The following TAFA2 variants were observed in gnomAD, a reference collection of about 807,000 sequenced individuals.
TAFA2 encodes the protein TAFA chemokine like family member 2.
A neutral mutation model predicts 18.8 loss-of-function variants in TAFA2; 7 were observed. The ratio of observed to expected loss-of-function variants is 0.37; its 90% confidence interval spans 0.21 to 0.70. The LOEUF (loss-of-function observed/expected upper bound fraction) is 0.70, where lower values mean the gene tolerates loss of function less well. Among genes scored for constraint, TAFA2 ranks in the 30% least tolerant of loss-of-function variants. The pLI, the probability that TAFA2 is intolerant of heterozygous loss-of-function variation, is 0.53. For synonymous variants in TAFA2, 60 were observed against 54.2 expected (o/e 1.11, Z -0.47); for missense variants, 122 against 158.1 (o/e 0.77, Z 1.23).
intron 1 of TAFA2, among the ~76,000 whole-genome samples, chr12:62,144,358 C>G (rs898573801): frequency 6.6e-6 from 1 of 152,122 alleles, no homozygotes. Flanking sequence ...GCAGTCATGA[C>G]TGGATATCGT....
At chr12:62,030,912 C>T (rs1881440591) in intron 1 of TAFA2, among the ~76,000 whole-genome samples, 1 of 152,098 alleles carries the variant, frequency 6.6e-6, no homozygotes, top group Admixed American at 6.5e-5. Flanking sequence ...CCTCTTCACC[C>T]TTAATGATGC....
intron 1 of TAFA2, among the ~76,000 whole-genome samples, chr12:62,138,189 C>T (rs1181592212): frequency 1.3e-5 from 2 of 152,056 alleles, no homozygotes; most frequent in Non-Finnish European, 2.9e-5. Context: ...AAGGATGAGG[C>T]AAGAGGATGG....
intron 1 of TAFA2, among the ~76,000 whole-genome samples, chr12:62,167,341 A>G (rs1039334475): frequency 1.3e-5 from 2 of 152,202 alleles, no homozygotes; most frequent in Non-Finnish European, 1.5e-5. Context: ...AAGCAACATG[A>G]ACCAATGAAT....
chr12:61,711,400 A>G (rs1398185530), intron 4 of TAFA2, among the ~76,000 whole-genome samples: 2 of 152,024 alleles, frequency 1.3e-5, no homozygotes, highest in Non-Finnish European at 2.9e-5. Flanking sequence ...CTATTCTAAT[A>G]TCAGGCAGGG....
intron 2 of TAFA2, among the ~76,000 whole-genome samples, chr12:61,773,673 C>A (rs1870129875): frequency 6.6e-6 from 1 of 151,916 alleles, no homozygotes; most frequent in Admixed American, 6.6e-5. Flanking sequence ...GAAACTGGAT[C>A]CTCATCTCTC....
At chr12:61,806,046 G>A (rs1360067654) in intron 2 of TAFA2, among the ~76,000 whole-genome samples, 2 of 152,080 alleles carry the variant, frequency 1.3e-5, no homozygotes, top group Non-Finnish European at 2.9e-5. Flanking sequence ...GGATGGAGAG[G>A]GTAAAGAACA....
At chr12:61,775,402 T>C (rs1023678167) in intron 2 of TAFA2, among the ~76,000 whole-genome samples, 1 of 151,784 alleles carries the variant, frequency 6.6e-6, no homozygotes, top group African/African-American at 2.4e-5. Flanking sequence ...GCAAAGAAGA[T>C]ATCCTTCAAC....
chr12:62,013,750 CT>C (rs1880841603), intron 1 of TAFA2, among the ~76,000 whole-genome samples: 1 of 152,212 alleles, frequency 6.6e-6, no homozygotes, highest in Non-Finnish European at 1.5e-5. Flanking sequence ...TCTTGACCAT[CT>C]AATATTAGAC....
chr12:61,901,090 C>A (rs1592471411), intron 1 of TAFA2, among the ~76,000 whole-genome samples: 1 of 152,162 alleles, frequency 6.6e-6, no homozygotes, highest in East Asian at 1.9e-4. Context: ...GACACTTTTC[C>A]ATGAACTTTA....
intron 1 of TAFA2, among the ~76,000 whole-genome samples, chr12:62,153,725 G>A (rs1483208340): frequency 6.6e-6 from 1 of 151,842 alleles, no homozygotes; most frequent in African/African-American, 2.4e-5. Flanking sequence ...TCGTATAGTG[G>A]AAAAGAGTAT....
At chr12:62,031,043 AT>A (rs1881444458) in intron 1 of TAFA2, among the ~76,000 whole-genome samples, 2 of 152,174 alleles carry the variant, frequency 1.3e-5, no homozygotes, top group African/African-American at 2.4e-5. Flanking sequence ...GAGAATGACC[AT>A]GATAACTCTA....
chr12:61,712,603 T>C (rs538012242), intron 4 of TAFA2, among the ~76,000 whole-genome samples: 4 of 152,256 alleles, frequency 2.6e-5, no homozygotes, highest in African/African-American at 9.6e-5. Context: ...ACATAATTGC[T>C]AGAGAAACAA....
chr12:62,138,211 G>T (rs1252431133), intron 1 of TAFA2, among the ~76,000 whole-genome samples: 1 of 152,074 alleles, frequency 6.6e-6, no homozygotes, highest in Non-Finnish European at 1.5e-5. Flanking sequence ...TTGAGCCCAG[G>T]AGTTCAAAGT....
At chr12:62,022,665 C>T (rs1029005173) in intron 1 of TAFA2, among the ~76,000 whole-genome samples, 4 of 151,810 alleles carry the variant, frequency 2.6e-5, no homozygotes, top group African/African-American at 7.3e-5. Context: ...GGATGAAAAC[C>T]TTTCTAGTGC....
intron 1 of TAFA2, among the ~76,000 whole-genome samples, chr12:61,986,217 T>C (rs1879813210): frequency 7.2e-6 from 1 of 138,002 alleles, no homozygotes; most frequent in Non-Finnish European, 1.5e-5. Flanking sequence ...CAGGCTGGAG[T>C]TCAATGGCAT....
chr12:62,016,322 T>C (rs988658329), intron 1 of TAFA2, among the ~76,000 whole-genome samples: 1 of 152,194 alleles, frequency 6.6e-6, no homozygotes, highest in African/African-American at 2.4e-5. Context: ...TTTACTTAAA[T>C]TTCTTTTCAG....
chr12:61,858,709 A>G (rs1288250126), intron 2 of TAFA2, among the ~76,000 whole-genome samples: 2 of 152,134 alleles, frequency 1.3e-5, no homozygotes, highest in Admixed American at 6.5e-5. Flanking sequence ...AAGCTGTAAA[A>G]TTGACTAAGT....
At chr12:62,233,064 C>CTTT (rs1565784732) in intron 1 of TAFA2, among the ~76,000 whole-genome samples, 3 of 78,338 alleles carry the variant, frequency 3.8e-5, no homozygotes, top group African/African-American at 1.7e-4. Flanking sequence ...ATTTCTGCAT[C>CTTT]TCTTTTTTTT....
intron 4 of TAFA2, among the ~76,000 whole-genome samples, chr12:61,733,739 T>C (rs537109395): frequency 3.5e-3 from 529 of 152,048 alleles, no homozygotes; most frequent in African/African-American, 0.012. Context: ...TGGCTTAGGA[T>C]TGACTTGGCG....
Sources: gnomAD v4.1 joint callset for allele counts (sites outside exome capture counted in the v4.1 genomes callset) on GRCh38, gnomAD v4.1.1 for gene constraint, MANE v1.5 for transcripts, NCBI Gene and HGNC (gene_info 2026-07-23, HGNC 2026-07-21) for gene names.